The following SOX5 variants were observed in gnomAD, a reference collection of about 807,000 sequenced individuals.
The protein encoded by SOX5 is transcription factor SOX-5.
Under a neutral mutation model 92.0 loss-of-function variants are expected in SOX5, and 9 were observed. The observed-to-expected ratio is 0.10, with a 90% CI of 0.06 to 0.17. SOX5 has a LOEUF of 0.17. Ranked by LOEUF, SOX5 falls within the 10% of genes least tolerant of loss-of-function variation. The pLI, the probability that SOX5 is intolerant of heterozygous loss-of-function variation, is 1.00. For synonymous variants in SOX5, 344 were observed against 336.3 expected (o/e 1.02, Z -0.25); for missense variants, 642 against 944.5 (o/e 0.68, Z 4.20).
At chr12:24,142,416 G>C (rs1052182035) in intron 4 of SOX5, among the ~76,000 whole-genome samples, 9 of 152,094 alleles carry the variant, frequency 5.9e-5, no homozygotes, top group African/African-American at 2.2e-4. Flanking sequence ...ATTTGTTCTA[G>C]ACTACACCCA....
upstream of SOX5, chr12:23,951,084 G>C (rs1010617187): frequency 3.2e-5 from 15 of 469,552 alleles, no homozygotes; most frequent in South Asian, 5.3e-4. Context: ...GCCCCAATAA[G>C]GGAAAGAGAG....
chr12:24,171,208 G>GTTTTT lies in SOX5; in HGVS notation c.-2+42130_-2+42134dup, dbSNP rs1173228023. ...TTTTCTTTTATTTCATTGGCCAACAGTTTTTTTTGTTTGTTTGTTTGTTTT... is the reference window on the plus strand; with the variant it reads ...TTTTCTTTTATTTCATTGGCCAACAGTTTTTTTTTTTTTGTTTGTTTGTTTGTTTT... On this transcript the variant is annotated intron_variant, in intron 4 of 4. Coordinates refer to the SOX5 transcript ENST00000446891. Among the ~76,000 whole-genome samples, 22 of 33,092 alleles carry GTTTTT rather than the reference G, an allele frequency of 6.6e-4. 4 individuals carry two copies. Among genetic ancestry groups the GTTTTT allele is most frequent in the Non-Finnish European group, 7.0e-4 (13 of 18,598 alleles). The allele number at this position is 33,092 out of a possible 152,430, so 21.7% of individuals were successfully genotyped here.
chr12:23,931,687 G>C (rs564640863), intron 1 of SOX5, among the ~76,000 whole-genome samples: 1 of 151,702 alleles, frequency 6.6e-6, no homozygotes, highest in South Asian at 2.1e-4. Flanking sequence ...GATTATTTCT[G>C]ATTTTCAATT....
intron 1 of SOX5, among the ~76,000 whole-genome samples, chr12:23,948,792 C>A (rs1945037631): frequency 6.6e-6 from 1 of 152,056 alleles, no homozygotes; most frequent in Non-Finnish European, 1.5e-5. Context: ...CTTGCAACAA[C>A]ATCAAATAAA....
chr12:24,098,724 C>T (rs1481747122), intron 4 of SOX5, among the ~76,000 whole-genome samples: 1 of 152,174 alleles, frequency 6.6e-6, no homozygotes, highest in Non-Finnish European at 1.5e-5. Flanking sequence ...TCCAGACTCT[C>T]TCTCTTCCAT....
At chr12:24,041,460 G>A (rs1377373615) in intron 4 of SOX5, among the ~76,000 whole-genome samples, 1 of 152,080 alleles carries the variant, frequency 6.6e-6, no homozygotes, top group Non-Finnish European at 1.5e-5. Flanking sequence ...TGACAATTAA[G>A]AATTTCATGA....
intron 1 of SOX5, among the ~76,000 whole-genome samples, chr12:24,559,006 T>C (rs780297862): frequency 6.6e-6 from 1 of 152,326 alleles, no homozygotes; most frequent in South Asian, 2.1e-4. Context: ...AAGTTTCAGA[T>C]CCCAAATCAT....
chr12:24,513,829 A>AT (rs2138356410), intron 1 of SOX5, among the ~76,000 whole-genome samples: 1 of 152,318 alleles, frequency 6.6e-6, no homozygotes, highest in African/African-American at 2.4e-5. Flanking sequence ...AACCTTAGAG[A>AT]TTTTCGAACA....
At chr12:23,954,370 G>A (rs7314255), upstream of SOX5, among the ~76,000 whole-genome samples, 56,415 of 151,364 alleles carry the variant, frequency 0.37, 11,071 homozygotes, top group Non-Finnish European at 0.45. Flanking sequence ...TGACACAATG[G>A]GCATTAAGAA....
intron 4 of SOX5, among the ~76,000 whole-genome samples, chr12:24,010,421 T>A (rs904347892): frequency 9.9e-5 from 15 of 152,188 alleles, no homozygotes; most frequent in Admixed American, 9.8e-4. Flanking sequence ...TTGGATTGCA[T>A]CCTGAGAAAT....
At chr12:23,920,877 G>A (rs930276954) in intron 1 of SOX5, among the ~76,000 whole-genome samples, 2 of 151,976 alleles carry the variant, frequency 1.3e-5, no homozygotes, top group Non-Finnish European at 2.9e-5. Flanking sequence ...AGTGATAATG[G>A]CTAAGAACAA....
chr12:23,743,664 C>T (rs2093882134), intron 4 of SOX5, among the ~76,000 whole-genome samples: 1 of 152,170 alleles, frequency 6.6e-6, no homozygotes, highest in South Asian at 2.1e-4. Flanking sequence ...TATTTCACCT[C>T]AACATGCGGA....
intron 1 of SOX5, among the ~76,000 whole-genome samples, chr12:24,508,949 C>A (rs561149505): frequency 1.6e-4 from 25 of 152,254 alleles, no homozygotes; most frequent in African/African-American, 5.3e-4. Flanking sequence ...GTGTCAAATA[C>A]AGGGAATGAG....
In SOX5 at chr12:24,247,645, C is replaced by CTT. The variant is rs11300258; in HGVS notation, c.-77+29569_-77+29570dup. ...CAATGATCCCTGATTTATTTATTTA[C>CTT]TTTTTTTTTTTTTTTTTTTTTTTGA... On this transcript the variant is annotated intron_variant, in intron 3 of 4. Coordinates refer to the SOX5 transcript ENST00000446891. Among the ~76,000 whole-genome samples the CTT allele has an allele frequency of 1.8e-3, 137 of 75,546 alleles. 2 individuals are homozygous for CTT. The highest frequency in any genetic ancestry group is 5.1e-3 in the African/African-American group (112 of 21,872). 49.6% of individuals were successfully genotyped at this position (75,546 alleles called of 152,430 possible).
Position 23,773,935 on chromosome 12 carries a change from G to C in SOX5, c.482-18211C>G, listed in dbSNP as rs149848780. ...GAGGGAGAAGAAAACTTCAGAGTCA[G>C]TCAAAACCAGGTTTGAATTTTGGTT... On this transcript the variant is annotated intron_variant, in intron 3 of 14. Transcript: ENST00000451604. Among the ~76,000 whole-genome samples the C allele has an allele frequency of 5.9e-3, 895 of 152,154 alleles. 6 individuals carry two copies. Among genetic ancestry groups the C allele is most frequent in the Non-Finnish European group, 0.011 (724 of 67,994 alleles).
chr12:23,986,355 C>CAA (rs200377982), intron 4 of SOX5, among the ~76,000 whole-genome samples: 6 of 149,598 alleles, frequency 4.0e-5, no homozygotes, highest in Non-Finnish European at 7.4e-5. Flanking sequence ...AACAAACAAA[C>CAA]AAAAAAAAAC....
intron 1 of SOX5, among the ~76,000 whole-genome samples, chr12:23,946,041 C>T (rs935290917): frequency 6.6e-6 from 1 of 151,998 alleles, no homozygotes; most frequent in African/African-American, 2.4e-5. Flanking sequence ...CAGAAAAACA[C>T]TGAAAAGTGT....
chr12:24,191,476 G>T (rs992865542), intron 4 of SOX5, among the ~76,000 whole-genome samples: 1 of 152,140 alleles, frequency 6.6e-6, no homozygotes, highest in Non-Finnish European at 1.5e-5. Flanking sequence ...ATCAGCTGAC[G>T]GAGCTTCCAG....
At chr12:23,651,566 GAC>G (rs1466847786) in intron 7 of SOX5, among the ~76,000 whole-genome samples, 1 of 151,968 alleles carries the variant, frequency 6.6e-6, no homozygotes, top group Non-Finnish European at 1.5e-5. Flanking sequence ...ATGAAAATAA[GAC>G]ATATAAATAT....
Sources: gnomAD v4.1 joint callset for allele counts (sites outside exome capture counted in the v4.1 genomes callset) on GRCh38, gnomAD v4.1.1 for gene constraint, MANE v1.5 for transcripts, NCBI Gene and HGNC (gene_info 2026-07-23, HGNC 2026-07-21) for gene names.